The following GALNT13 variants were observed in gnomAD, a reference collection of about 807,000 sequenced individuals.
GALNT13 encodes the protein UDP-GalNAc:polypeptide N-acetylgalactosaminyltransferase 13.
GALNT13 carries 28 observed loss-of-function variants against 64.2 expected under a neutral mutation model. The ratio of observed to expected loss-of-function variants is 0.44; its 90% CI spans 0.32 to 0.60. GALNT13 has a LOEUF of 0.60. GALNT13 is among the 20% of genes least tolerant of loss of function. The probability of loss-of-function intolerance (pLI) is 0.05; values close to 1 mark genes in which losing one functional copy is unlikely to be tolerated. For synonymous variants in GALNT13, 214 were observed against 224.6 expected, an observed-to-expected ratio of 0.95 and a Z score of 0.42; for missense variants, 577 against 669.8, an observed-to-expected ratio of 0.86 and a Z score of 1.53.
chr2:154,181,615 T>C (rs922655149), intron 4 of GALNT13, among the ~76,000 whole-genome samples: 3 of 152,096 alleles, frequency 2.0e-5, no homozygotes, highest in Non-Finnish European at 2.9e-5. Context: ...AAGTTTTAAC[T>C]ATAAAATACA....
intron 9 of GALNT13, among the ~76,000 whole-genome samples, chr2:154,349,766 C>T (rs886877766): frequency 1.3e-5 from 2 of 152,182 alleles, no homozygotes; most frequent in African/African-American, 4.8e-5. Flanking sequence ...TAACCTAAAT[C>T]TCTGGACACT....
At chr2:153,882,962 A>G (rs571097166) in intron 1 of GALNT13, among the ~76,000 whole-genome samples, 1 of 150,786 alleles carries the variant, frequency 6.6e-6, no homozygotes, top group Non-Finnish European at 1.5e-5. Flanking sequence ...AGACCAAGTT[A>G]AAGAAACCAG....
chr2:153,663,831 A>G, the GALNT13 span, among the ~76,000 whole-genome samples: 1 of 152,202 alleles, frequency 6.6e-6, no homozygotes, highest in Non-Finnish European at 1.5e-5. Context: ...TTCTGAAAAG[A>G]AAGTGTCAGT....
intron 8 of GALNT13, among the ~76,000 whole-genome samples, chr2:154,300,832 TA>T (rs1347443386): frequency 6.6e-6 from 1 of 152,072 alleles, no homozygotes; most frequent in Non-Finnish European, 1.5e-5. Context: ...ATAAAAAAGG[TA>T]CACATTACTA....
At chr2:153,463,585 G>A in the GALNT13 span, among the ~76,000 whole-genome samples, 1 of 152,040 alleles carries the variant, frequency 6.6e-6, no homozygotes, top group African/African-American at 2.4e-5. Flanking sequence ...TAGTCAGCAT[G>A]ATGTAGCATA....
the GALNT13 span, among the ~76,000 whole-genome samples, chr2:153,768,274 G>A: frequency 1.3e-5 from 2 of 152,134 alleles, no homozygotes; most frequent in Admixed American, 1.3e-4. Context: ...TGTGGTCATT[G>A]GATGCAATGT....
At chr2:153,663,764 G>A in the GALNT13 span, among the ~76,000 whole-genome samples, 1 of 152,180 alleles carries the variant, frequency 6.6e-6, no homozygotes, top group African/African-American at 2.4e-5. Flanking sequence ...GGGAAGAGCT[G>A]TCTATCTGGA....
the GALNT13 span, among the ~76,000 whole-genome samples, chr2:153,179,319 T>G: frequency 6.6e-6 from 1 of 152,222 alleles, no homozygotes; most frequent in African/African-American, 2.4e-5. Context: ...AAGGCACATT[T>G]GTTAAAAATT....
the GALNT13 span, among the ~76,000 whole-genome samples, chr2:153,088,789 T>A: frequency 6.6e-6 from 1 of 152,192 alleles, no homozygotes; most frequent in Non-Finnish European, 1.5e-5. Flanking sequence ...GAATAGCTAC[T>A]CCTGCTTGCA....
chr2:154,193,664 A>G (rs1348404620), intron 4 of GALNT13, among the ~76,000 whole-genome samples: 2 of 152,186 alleles, frequency 1.3e-5, no homozygotes, highest in African/African-American at 4.8e-5. Flanking sequence ...CCATAGCAAT[A>G]ATAACTCATG....
chr2:153,821,823 GA>G, the GALNT13 span, among the ~76,000 whole-genome samples: 1 of 151,328 alleles, frequency 6.6e-6, no homozygotes, highest in East Asian at 1.9e-4. Context: ...AAACAAGACT[GA>G]TAGACCACAA....
At chr2:154,041,829 G>C (rs1489726294) in intron 3 of GALNT13, among the ~76,000 whole-genome samples, 2 of 139,860 alleles carry the variant, frequency 1.4e-5, no homozygotes, top group Non-Finnish European at 3.3e-5. Flanking sequence ...TACTGCTCTA[G>C]TGATATCATT....
the GALNT13 span, among the ~76,000 whole-genome samples, chr2:153,735,489 C>A: frequency 0.015 from 2,270 of 152,150 alleles, 57 homozygotes; most frequent in African/African-American, 0.052. Context: ...TACTGCTAGG[C>A]CATCTTGATA....
At chr2:154,312,329 T>G (rs572884137) in intron 9 of GALNT13, among the ~76,000 whole-genome samples, 31 of 152,146 alleles carry the variant, frequency 2.0e-4, no homozygotes, top group African/African-American at 6.5e-4. Flanking sequence ...AGATAATCTG[T>G]TTTTTTTCCC....
chr2:154,236,612 G>T (rs965679670), intron 4 of GALNT13, among the ~76,000 whole-genome samples: 1 of 152,058 alleles, frequency 6.6e-6, no homozygotes, highest in Admixed American at 6.6e-5. Context: ...TGGAATACCA[G>T]ATTTCAGGCT....
chr2:154,278,377 G>A (rs1691773776), intron 8 of GALNT13, among the ~76,000 whole-genome samples: 2 of 152,126 alleles, frequency 1.3e-5, no homozygotes, highest in Non-Finnish European at 2.9e-5. Flanking sequence ...CATATTTGGG[G>A]AACAAAATGG....
intron 3 of GALNT13, among the ~76,000 whole-genome samples, chr2:153,956,255 A>G (rs548551006): frequency 6.6e-6 from 1 of 152,328 alleles, no homozygotes; most frequent in South Asian, 2.1e-4. Context: ...CTGACAAAAA[A>G]ACTAATGGAG....
At chr2:154,413,998 G>C (rs766569684) in intron 11 of GALNT13, among the ~76,000 whole-genome samples, 2 of 151,728 alleles carry the variant, frequency 1.3e-5, no homozygotes, top group Non-Finnish European at 2.9e-5. Flanking sequence ...CATTTTTAAT[G>C]GATAAGCTAT....
chr2:154,099,215 T>C (rs1167390399), intron 3 of GALNT13, among the ~76,000 whole-genome samples: 2 of 152,190 alleles, frequency 1.3e-5, no homozygotes, highest in Non-Finnish European at 2.9e-5. Context: ...TTGCATGTCT[T>C]ACTTTGAGAA....
Sources: allele counts gnomAD v4.1 joint callset (sites outside exome capture counted in the v4.1 genomes callset), GRCh38; gene constraint gnomAD v4.1.1; transcripts MANE v1.5; gene names NCBI Gene and HGNC (gene_info 2026-07-23, HGNC 2026-07-21).